IL3RA: variants seen among roughly 807,000 people sequenced by gnomAD.
IL3RA encodes interleukin-3 receptor subunit alpha.
Under a neutral mutation model 52.3 loss-of-function variants are expected in IL3RA, and 73 were observed. That is an observed-to-expected ratio of 1.40 (90% CI 1.16 to 1.70). IL3RA has a LOEUF of 1.70. IL3RA is among the 40% of genes most tolerant of loss of function. IL3RA has a pLI of 0.00. For missense variants in IL3RA, 664 were observed against 504.4 expected, an observed-to-expected ratio of 1.32 and a Z score of -3.03; for synonymous variants, 260 against 194.0, an observed-to-expected ratio of 1.34 and a Z score of -2.83.
intron 3 of IL3RA, among the ~76,000 whole-genome samples, chrX:1,346,606 CAAAACA>C (rs374362563): frequency 2.2e-4 from 34 of 151,804 alleles, no homozygotes; most frequent in Admixed American, 6.6e-4. Flanking sequence ...GACTCCATCT[CAAAACA>C]AAAACAAAAA....
At chrX:1,343,031 C>A (rs17880504) in intron 2 of IL3RA, among the ~76,000 whole-genome samples, 1 of 151,606 alleles carries the variant, frequency 6.6e-6, no homozygotes, top group Non-Finnish European at 1.5e-5. Context: ...GCCTAGATCA[C>A]GCCATTGCAC....
Position 1,336,862 on chromosome X carries a change from C to G in IL3RA, c.-103C>G, listed in dbSNP as rs1218405028. The G allele has an allele frequency of 6.6e-6, 1 of 152,250 alleles. No homozygotes were observed. The highest frequency in any genetic ancestry group is 1.5e-5 in the Non-Finnish European group (1 of 68,056). The allele number at this position is 152,250 out of a possible 1,614,324, so 9.4% of individuals were successfully genotyped here. A position where few individuals can be genotyped will look rare whatever the true frequency, so the allele number is the denominator to read the frequency against. The stretch of plus-strand genomic sequence containing the variant: ...GAAACATCCTAGGATCAGGACACCC[C>G]AGATCTTCTCAACTGGAACCACGAA... On this transcript the variant is annotated 5_prime_UTR_variant, in exon 1 of 12. Coordinates refer to ENST00000331035, the MANE Select transcript of IL3RA (RefSeq NM_002183.4).
intron 2 of IL3RA, among the ~76,000 whole-genome samples, chrX:1,344,535 G>C (rs73624884): frequency 0.046 from 6,919 of 151,764 alleles, 529 homozygotes; most frequent in African/African-American, 0.16. Flanking sequence ...AGCACTTTGA[G>C]AGGCCGAGGC....
In IL3RA at chrX:1,362,450, GTCTC is replaced by G. The variant is rs774782223; in HGVS notation, c.760-2682_760-2679del. Among the ~76,000 whole-genome samples, 643 of 139,048 alleles carry G rather than the reference GTCTC, an allele frequency of 4.6e-3. 3 individuals carry two copies. Among genetic ancestry groups the G allele is most frequent in the African/African-American group, 0.016 (586 of 36,944 alleles). 91.2% of individuals were successfully genotyped at this position (139,048 alleles called of 152,430 possible). A position where few individuals can be genotyped will look rare whatever the true frequency, so the allele number is the denominator to read the frequency against. ...CTTCTCTGTGTCTCTTTGTATCTCT[GTCTC>G]TCTCTGTTTCTATCTGTCTCTCTCT... On this transcript the variant is annotated intron_variant, in intron 8 of 11. Transcript: ENST00000331035.
At position 1,343,833 on chromosome X, in the gene IL3RA, T is replaced by C. The variant is rs766583738; in HGVS notation, c.65-1483T>C. 2.6e-3 allele frequency among the ~76,000 whole-genome samples: 394 copies of C among 148,906 alleles called. 6 individuals carry two copies. The highest frequency in any genetic ancestry group is 9.3e-3 in the African/African-American group (376 of 40,518). ...TTTTTTGAGATGGAGTCTCGCTCTGTTACCCAGGCTGGAGTGCAGTGGCAC... is the reference window on the plus strand; with the variant it reads ...TTTTTTGAGATGGAGTCTCGCTCTGCTACCCAGGCTGGAGTGCAGTGGCAC... On this transcript the variant is annotated intron_variant, in intron 2 of 11. Transcript: ENST00000331035.
chrX:1,354,596 AGGG>A (rs1372271535), intron 6 of IL3RA, among the ~76,000 whole-genome samples: 4 of 74,538 alleles, frequency 5.4e-5, no homozygotes, highest in Non-Finnish European at 9.7e-5. Flanking sequence ...GAGAAAGAGG[AGGG>A]GGAGGAGGAG....
In IL3RA at chrX:1,346,945, T is replaced by C. The variant is rs371765429; in HGVS notation, c.184-1486T>C. 2.0e-4 allele frequency among the ~76,000 whole-genome samples: 30 copies of C among 151,434 alleles called. No homozygotes were observed. In the South Asian group the frequency reaches 6.0e-3, roughly 30 times the overall value. On this transcript the variant is annotated intron_variant, in intron 3 of 11. Transcript: ENST00000331035. The stretch of plus-strand genomic sequence containing the variant: ...GCTCCAAATACAGTCCCATTGAACT[T>C]TGTGATTTTGGAGAGTAGAGATAAA...
intron 2 of IL3RA, among the ~76,000 whole-genome samples, chrX:1,343,728 A>G (rs2085590676): frequency 6.7e-6 from 1 of 149,656 alleles, no homozygotes; most frequent in Non-Finnish European, 1.5e-5. Flanking sequence ...TTTATGAAAT[A>G]TCTTGAGCTC....
rs1300831150 is a variant in IL3RA at position 1,345,504 on chromosome X, T to C, written c.183+70T>C. ...TTATGTATTTATGTATTTATTTATT[T>C]TTTGAGACGGAGTCTTGCTCTGTCG... On this transcript the variant is annotated intron_variant, in intron 3 of 11. Coordinates refer to ENST00000331035, the MANE Select transcript of IL3RA (RefSeq NM_002183.4). 2.8e-4 allele frequency: 310 copies of C among 1,113,178 alleles called. 1 individual carries two copies. The highest frequency in any genetic ancestry group is 3.6e-4 in the Non-Finnish European group (293 of 819,620). The allele number at this position is 1,113,178 out of a possible 1,614,324, so 69.0% of individuals were successfully genotyped here.
chrX:1,347,998 C>G (rs2148924368), intron 3 of IL3RA, among the ~76,000 whole-genome samples: 1 of 140,714 alleles, frequency 7.1e-6, no homozygotes, highest in Non-Finnish European at 1.5e-5. Context: ...GATCGCGCCC[C>G]TGCACTCCAG....
chrX:1,365,282 G>A (rs747983726), intron 9 of IL3RA, 30 bp downstream of exon 9: 1 of 1,427,952 alleles, frequency 7.0e-7, no homozygotes, highest in South Asian at 1.2e-5. Context: ...TGCGCGGGGT[G>A]AGCGGGGTGA....
At chrX:1,349,070 C>T (rs2085958337) in intron 4 of IL3RA, among the ~76,000 whole-genome samples, 1 of 151,414 alleles carries the variant, frequency 6.6e-6, no homozygotes, top group African/African-American at 2.4e-5. Flanking sequence ...CGCAGTGGTG[C>T]AATCACAGCT....
rs376348008 is a variant in IL3RA, at chrX:1,358,098, C to G, written c.733-763C>G. Among the ~76,000 whole-genome samples the G allele has an allele frequency of 3.0e-4, 46 of 151,346 alleles. No homozygotes were observed. The East Asian group carries it at 8.3e-3, about 27-fold the overall frequency. ...CCATCCTGGGCAACAGAGTGAGACT[C>G]CGTCTCAGGAGAAAAAAAAAAAAAG... On this transcript the variant is annotated intron_variant, in intron 7 of 11. Coordinates refer to ENST00000331035, the MANE Select transcript of IL3RA (RefSeq NM_002183.4).
Position 1,378,802 on chromosome X carries a change from C to T in IL3RA, c.980+38C>T, listed in dbSNP as rs371218091. ...GGGCGTCCGCGAGCGTCGCTTGTTT[C>T]CAGTGTGACCCTGAAAGTTATTCAC... is the stretch of plus-strand genomic sequence containing the variant. On this transcript the variant is annotated intron_variant, in intron 10 of 11. Coordinates refer to ENST00000331035, the MANE Select transcript of IL3RA (RefSeq NM_002183.4). 3.9e-6 allele frequency: 6 copies of T among 1,525,290 alleles called. No individual in the cohort carries two copies. In the African/African-American group the frequency reaches 4.1e-5, roughly 10 times the overall value. The allele number at this position is 1,525,290 out of a possible 1,614,324, so 94.5% of individuals were successfully genotyped here. A position where few individuals can be genotyped will look rare whatever the true frequency, so the allele number is the denominator to read the frequency against.
intron 10 of IL3RA, among the ~76,000 whole-genome samples, 180 bp from the exon 11 acceptor site, chrX:1,380,843 C>T (rs1362641090): frequency 2.0e-5 from 3 of 151,682 alleles, no homozygotes; most frequent in African/African-American, 7.3e-5. Flanking sequence ...CCAGCGCCTG[C>T]CTATGATGAT....
At chrX:1,340,088 C>A (rs1272296644) in intron 1 of IL3RA, among the ~76,000 whole-genome samples, 2 of 150,668 alleles carry the variant, frequency 1.3e-5, no homozygotes, top group African/African-American at 4.9e-5. Flanking sequence ...GCTAAACCCC[C>A]AGGGCAGCAA....
At position 1,341,989 on chromosome X, in the gene IL3RA, G is replaced by A. The variant is rs374851281; in HGVS notation, c.64+160G>A. On this transcript the variant is annotated intron_variant, in intron 2 of 11. Transcript: ENST00000331035. Reference sequence around the variant, plus strand: ...ATGACTCAGACACTTCCCTGTACCCGTCACCAAGTTCCCTGTAATGCAGCA... The same window carrying A: ...ATGACTCAGACACTTCCCTGTACCCATCACCAAGTTCCCTGTAATGCAGCA... Among the ~76,000 whole-genome samples the A allele has an allele frequency of 1.3e-3, 191 of 152,086 alleles. 3 individuals carry two copies. In the South Asian group the frequency reaches 0.037, roughly 29 times the overall value.
intron 2 of IL3RA, among the ~76,000 whole-genome samples, chrX:1,344,943 A>C (rs2085667757): frequency 6.7e-6 from 1 of 149,918 alleles, no homozygotes; most frequent in African/African-American, 2.5e-5. Context: ...CGGACGAATC[A>C]TGAGGTCAGG....
At position 1,352,810 on chromosome X, in the gene IL3RA, AGGATCCCTCACCATGGGTCATG is replaced by A. The variant is rs374470067; in HGVS notation, c.616+308_616+329del. On this transcript the variant is annotated intron_variant, in intron 6 of 11. Coordinates refer to ENST00000331035, the MANE Select transcript of IL3RA (RefSeq NM_002183.4). ...CATCATGGGTCCCATCATGGGTCAT[AGGATCCCTCACCATGGGTCATG>A]GGACCCCCCATCATGGGTTCCATCA... Among the ~76,000 whole-genome samples, 26 of 152,080 alleles carry A rather than the reference AGGATCCCTCACCATGGGTCATG, an allele frequency of 1.7e-4. 1 individual carries two copies. Among genetic ancestry groups the A allele is most frequent in the African/African-American group, 6.3e-4 (26 of 41,494 alleles).
Sources: allele counts gnomAD v4.1 joint callset (sites outside exome capture counted in the v4.1 genomes callset), GRCh38; gene constraint gnomAD v4.1.1; transcripts MANE v1.5; gene names NCBI Gene and HGNC (gene_info 2026-07-23, HGNC 2026-07-21).